The following HTR2C variants were observed in gnomAD, a reference collection of about 807,000 sequenced individuals.
HTR2C encodes the protein 5-hydroxytryptamine (serotonin) receptor 2C, G protein-coupled.
Under a neutral mutation model 21.0 loss-of-function variants are expected in HTR2C, and 5 were observed. The observed-to-expected ratio is 0.24, with a 90% CI of 0.12 to 0.50. HTR2C has a LOEUF of 0.50. Among genes scored for constraint, HTR2C ranks in the 20% least tolerant of loss-of-function variants. HTR2C has a pLI of 0.98. For synonymous variants in HTR2C, 150 were observed against 145.3 expected (o/e 1.03, Z -0.23); for missense variants, 271 against 371.2 (o/e 0.73, Z 2.22).
chrX:114,886,376 G>A (rs1473569716), intron 5 of HTR2C, among the ~76,000 whole-genome samples: 1 of 110,533 alleles, frequency 9.0e-6, no homozygotes, highest in Non-Finnish European at 1.9e-5. Flanking sequence ...ATTTAGGTCT[G>A]CCATGTTACA....
At chrX:114,739,881 G>A (rs1197951952) in intron 4 of HTR2C, among the ~76,000 whole-genome samples, 1 of 110,737 alleles carries the variant, frequency 9.0e-6, no homozygotes, top group Non-Finnish European at 1.9e-5. Context: ...TGAGGCAGGT[G>A]GATCACTTGA....
chrX:114,665,113 A>C (rs2147844460), intron 2 of HTR2C, among the ~76,000 whole-genome samples: 1 of 112,394 alleles, frequency 8.9e-6, no homozygotes, highest in South Asian at 3.7e-4. Context: ...AAGGTAACAG[A>C]ACAATAGAAA....
intron 5 of HTR2C, among the ~76,000 whole-genome samples, chrX:114,852,196 T>A (rs1556469471): frequency 9.0e-6 from 1 of 111,323 alleles, no homozygotes; most frequent in Admixed American, 9.6e-5. Flanking sequence ...TTTTTTTCTC[T>A]GTGGTTCTGA....
intron 5 of HTR2C, among the ~76,000 whole-genome samples, chrX:114,852,493 A>G (rs1298827600): frequency 3.6e-5 from 4 of 111,209 alleles, no homozygotes; most frequent in Non-Finnish European, 5.7e-5. Context: ...AAAATGCTAC[A>G]TACAAATTAA....
rs184657330 is a variant in HTR2C, at chrX:114,671,791, G to A, written c.-79-55067G>A. ...ATTGGTATTCACAGTAATAGGCTGA[G>A]GCATTAGCATTATTCATAGTCAGAA... is the stretch of plus-strand genomic sequence containing the variant. On this transcript the variant is annotated intron_variant, in intron 2 of 5. Coordinates refer to ENST00000276198, the MANE Select transcript of HTR2C (RefSeq NM_000868.4). Among the ~76,000 whole-genome samples the A allele has an allele frequency of 1.2e-4, 13 of 111,822 alleles. No homozygotes were observed. The East Asian group carries it at 2.5e-3, about 22-fold the overall frequency.
intron 4 of HTR2C, chrX:114,776,728 A>G (rs1350123677): frequency 9.3e-6 from 4 of 428,794 alleles, no homozygotes; most frequent in African/African-American, 4.9e-5. Context: ...CACCCACACA[A>G]GAGTATGCAG....
At chrX:114,849,505 A>G (rs781947547) in intron 5 of HTR2C, among the ~76,000 whole-genome samples, 1 of 112,573 alleles carries the variant, frequency 8.9e-6, no homozygotes, top group Admixed American at 9.4e-5. Context: ...ATGATGCATT[A>G]TAAACCTGAA....
intron 5 of HTR2C, among the ~76,000 whole-genome samples, chrX:114,888,531 C>A (rs975649806): frequency 9.0e-6 from 1 of 111,677 alleles, no homozygotes; most frequent in East Asian, 2.8e-4. Flanking sequence ...GAATATAAAT[C>A]CTTGACTGGG....
rs1162453922 is a variant in HTR2C at position 114,737,111 on chromosome X, G to GA, written c.349+5514dup. Reference sequence around the variant, plus strand: ...AGAGAACAAAAGAAAGCACAAAGCAGAAAAAAAAAATAATAAAGATAAGAG... The same window carrying GA: ...AGAGAACAAAAGAAAGCACAAAGCAGAAAAAAAAAAATAATAAAGATAAGAG... On this transcript the variant is annotated intron_variant, in intron 4 of 5. Transcript: ENST00000276198. 2.9e-3 allele frequency among the ~76,000 whole-genome samples: 296 copies of GA among 101,355 alleles called. 2 individuals are homozygous for GA. The highest frequency in any genetic ancestry group is 4.6e-3 in the African/African-American group (128 of 27,602). 88.0% of individuals were successfully genotyped at this position (101,355 alleles called of 115,157 possible).
intron 2 of HTR2C, among the ~76,000 whole-genome samples, chrX:114,643,825 C>A (rs371606878): frequency 1.4e-4 from 16 of 111,332 alleles, no homozygotes; most frequent in Non-Finnish European, 2.6e-4. Flanking sequence ...CTACCAACTG[C>A]GAAATAACTG....
intron 4 of HTR2C, among the ~76,000 whole-genome samples, chrX:114,820,591 G>A (rs1034464246): frequency 1.8e-5 from 2 of 110,387 alleles, no homozygotes; most frequent in African/African-American, 6.6e-5. Context: ...CACGTGTTAT[G>A]GGAGGGACCC....
intron 2 of HTR2C, among the ~76,000 whole-genome samples, chrX:114,699,489 A>G (rs1226969509): frequency 8.9e-6 from 1 of 112,126 alleles, no homozygotes; most frequent in Non-Finnish European, 1.9e-5. Context: ...AATTTTGCCT[A>G]ATACCATGTC....
chrX:114,605,879 G>C (rs1032672132), intron 1 of HTR2C, among the ~76,000 whole-genome samples: 2 of 106,858 alleles, frequency 1.9e-5, no homozygotes, highest in Non-Finnish European at 3.8e-5. Flanking sequence ...AGGGGTTGGG[G>C]CACAGAGATA....
chrX:114,727,162 C>T (rs1223340806), intron 3 of HTR2C, among the ~76,000 whole-genome samples, 191 bp downstream of exon 3: 1 of 111,787 alleles, frequency 8.9e-6, no homozygotes, highest in East Asian at 2.8e-4. Context: ...AAAATTTGGA[C>T]TCTAATTAAG....
chrX:114,852,251 A>G (rs1201038129), intron 5 of HTR2C, among the ~76,000 whole-genome samples: 1 of 110,303 alleles, frequency 9.1e-6, no homozygotes, highest in East Asian at 2.9e-4. Context: ...TTTTGCATGT[A>G]TTCCCCAACC....
intron 2 of HTR2C, among the ~76,000 whole-genome samples, chrX:114,725,500 C>G (rs782517415): frequency 8.9e-6 from 1 of 111,996 alleles, no homozygotes; most frequent in Non-Finnish European, 1.9e-5. Context: ...TCGTCTGGAG[C>G]CTTCTTCTCT....
chrX:114,638,664 A>C (rs1929959181), intron 2 of HTR2C, among the ~76,000 whole-genome samples: 2 of 81,417 alleles, frequency 2.5e-5, no homozygotes, highest in African/African-American at 4.4e-5. Context: ...TCCCAATGCT[A>C]TCCCTCCCCC....
At chrX:114,600,459 TCA>T (rs1160562829) in intron 1 of HTR2C, among the ~76,000 whole-genome samples, 1 of 89,014 alleles carries the variant, frequency 1.1e-5, no homozygotes, top group Non-Finnish European at 2.6e-5. Flanking sequence ...TTCAAATATC[TCA>T]GTTTGTTTTT....
At chrX:114,695,595 T>C (rs1268795818) in intron 2 of HTR2C, among the ~76,000 whole-genome samples, 1 of 112,276 alleles carries the variant, frequency 8.9e-6, no homozygotes, top group Non-Finnish European at 1.9e-5. Flanking sequence ...CACCATGATA[T>C]TTATTCACTG....
Sources: allele counts gnomAD v4.1 joint callset (sites outside exome capture counted in the v4.1 genomes callset), GRCh38; gene constraint gnomAD v4.1.1; transcripts MANE v1.5; gene names NCBI Gene and HGNC (gene_info 2026-07-23, HGNC 2026-07-21).